Variants in SNED1 observed in about 807,000 individuals in gnomAD.
SNED1 encodes the protein sushi, nidogen and EGF-like domain-containing protein 1.
A neutral mutation model predicts 166.7 loss-of-function variants in SNED1; 81 were observed. The ratio of observed to expected loss-of-function variants is 0.49; its 90% CI spans 0.41 to 0.58. The LOEUF is 0.58. SNED1 is among the 20% of genes least tolerant of loss of function. SNED1 has a pLI of 0.00. For synonymous variants in SNED1, 762 were observed against 822.0 expected, an observed-to-expected ratio of 0.93 and a Z score of 1.25; for missense variants, 1,604 against 2,000.2, an observed-to-expected ratio of 0.80 and a Z score of 3.78.
chr2:241,037,249 A>G lies in SNED1; in HGVS notation c.941A>G (p.Glu314Gly). 1 of 1,609,750 alleles carries G rather than the reference A, an allele frequency of 6.2e-7. No homozygotes were observed. Among genetic ancestry groups the G allele is most frequent in the South Asian group, 1.1e-5 (1 of 90,052 alleles). Residue 314 changes from glutamate to glycine, a missense_variant, in exon 6 of 32, where the codon GAA becomes GGA. Glu to Gly is a moderately conservative substitution (Grantham distance 98, BLOSUM62 -2). Transcript: ENST00000310397. ...CTGCCCCATGTTTCAGACGTGAACG[A>G]ATGTGCCTCCCAGCCCTGTCAGAAT... is the stretch of plus-strand genomic sequence containing the variant. ...TGRRCHLDVN[E>G]CASQPCQNGG...
intron 22 of SNED1, 37 bp downstream of exon 22, chr2:241,067,984 A>C: frequency 1.6e-6 from 2 of 1,225,568 alleles, no homozygotes; most frequent in Non-Finnish European, 2.3e-6. Context: ...GCTGGGGTGA[A>C]GGCAGGGGTG....
chr2:241,072,938 C>T, intron 26 of SNED1: 1 of 379,380 alleles, frequency 2.6e-6, no homozygotes, highest in East Asian at 4.2e-5. Flanking sequence ...GAGAGGAATG[C>T]AGAATTTGAC....
At chr2:241,023,022 T>C (rs529527730) in intron 1 of SNED1, among the ~76,000 whole-genome samples, 7 of 152,274 alleles carry the variant, frequency 4.6e-5, no homozygotes, top group Non-Finnish European at 8.8e-5. Flanking sequence ...TCATTGATGA[T>C]TCACTTTATT....
intron 2 of SNED1, 121 bp from the exon 3 acceptor site, chr2:241,033,614 C>T: frequency 8.5e-7 from 1 of 1,171,918 alleles, no homozygotes; most frequent in East Asian, 2.8e-5. Context: ...CTGGAAGACA[C>T]AGACATTGAG....
rs578064103 is a variant in SNED1, at chr2:241,018,082, A to C, written c.214-12202A>C. On this transcript the variant is annotated intron_variant, in intron 1 of 31. Coordinates refer to ENST00000310397, the MANE Select transcript of SNED1 (RefSeq NM_001080437.3). The surrounding 1 kb of genome is among the most constrained non-coding windows in gnomAD (Gnocchi z 5.4). ...CGACTGGAGAGGCATTCCAAGGCTC[A>C]CTCCCTCCCAGGTAACACGCAACCC... Among the ~76,000 whole-genome samples, 1 of 152,102 alleles carries C rather than the reference A, an allele frequency of 6.6e-6. No individual in the cohort carries two copies. Among genetic ancestry groups the C allele is most frequent in the South Asian group, 2.1e-4 (1 of 4,810 alleles).
intron 3 of SNED1, among the ~76,000 whole-genome samples, chr2:241,034,343 C>T (rs1013585479): frequency 2.0e-5 from 3 of 152,192 alleles, no homozygotes; most frequent in Non-Finnish European, 4.4e-5. Flanking sequence ...TCATACTTGC[C>T]CCTGGCCCCA....
In SNED1 at chr2:241,034,737, G is replaced by A. The variant is rs2061291933; in HGVS notation, c.805+7G>A. 1 of 1,544,520 alleles carries A rather than the reference G, an allele frequency of 6.5e-7. No homozygotes were observed. Among genetic ancestry groups the A allele is most frequent in the Non-Finnish European group, 8.8e-7 (1 of 1,141,888 alleles). ...GGGGGCTGCGGCCATACAAGTAAGA[G>A]GACAGAGGAGCAGCTTGGGGTGGGA... On this transcript the variant is annotated splice_region_variant and intron_variant, in intron 4 of 31. Transcript: ENST00000310397.
At chr2:241,009,723 A>G (rs1433431450) in intron 1 of SNED1, among the ~76,000 whole-genome samples, 1 of 152,120 alleles carries the variant, frequency 6.6e-6, no homozygotes, top group African/African-American at 2.4e-5. Context: ...TCCTCCAGGA[A>G]GTCACCCTGG....
In SNED1 at chr2:240,999,567, C is replaced by G. The variant is rs1163694913; in HGVS notation, c.213+517C>G. On this transcript the variant is annotated intron_variant, in intron 1 of 31. Coordinates refer to ENST00000310397, the MANE Select transcript of SNED1 (RefSeq NM_001080437.3). This position sits in a 1 kb window ranked among gnomAD's most constrained non-coding sequence, Gnocchi z 5.8. ...CAGGCGCTCAGGGCAGGGCCTGCTT[C>G]TTCGCTGACCCTCCTAGGCGGGCTA... Among the ~76,000 whole-genome samples the G allele has an allele frequency of 6.6e-6, 1 of 152,212 alleles. No individual in the cohort carries two copies. The highest frequency in any genetic ancestry group is 1.5e-5 in the Non-Finnish European group (1 of 68,020).
At chr2:241,052,227 C>G (rs2061865376) in intron 14 of SNED1, 70 bp downstream of exon 14, 7 of 1,497,872 alleles carry the variant, frequency 4.7e-6, no homozygotes, top group Non-Finnish European at 6.5e-6. Flanking sequence ...AAAACAGGCC[C>G]ATGGGCAGGG....
intron 6 of SNED1, 107 bp from the exon 7 acceptor site, chr2:241,039,968 A>G (rs2061478515): frequency 6.7e-6 from 6 of 891,736 alleles, no homozygotes; most frequent in African/African-American, 1.7e-5. Flanking sequence ...CCCCCCTGCA[A>G]TGTAAGCCAG....
In SNED1 at chr2:240,999,739, G is replaced by A. The variant is rs1435310258; in HGVS notation, c.213+689G>A. 6.6e-6 allele frequency among the ~76,000 whole-genome samples: 1 copy of A among 152,174 alleles called. No homozygotes were observed. Among genetic ancestry groups the A allele is most frequent in the African/African-American group, 2.4e-5 (1 of 41,440 alleles). On this transcript the variant is annotated intron_variant, in intron 1 of 31. Transcript: ENST00000310397. This position sits in a 1 kb window ranked among gnomAD's most constrained non-coding sequence, Gnocchi z 5.8. ...TCAGCTCAGCTGAAGGAACAGGCCC[G>A]AGTGCCGGTTCTGTCTCCATGGCTC... is the stretch of plus-strand genomic sequence containing the variant.
intron 1 of SNED1, among the ~76,000 whole-genome samples, chr2:241,003,889 A>C (rs936958292): frequency 6.6e-6 from 1 of 152,262 alleles, no homozygotes; most frequent in East Asian, 1.9e-4. Flanking sequence ...GTGACCAAAA[A>C]AATGTTGGTT....
intron 31 of SNED1, chr2:241,089,107 G>A (rs1359123240): frequency 5.8e-6 from 3 of 515,670 alleles, no homozygotes; most frequent in South Asian, 3.3e-5. Flanking sequence ...AAACAACACT[G>A]GCATTCTTCA....
intron 1 of SNED1, among the ~76,000 whole-genome samples, chr2:241,008,735 G>A (rs995885243): frequency 3.3e-5 from 5 of 152,206 alleles, no homozygotes; most frequent in South Asian, 4.1e-4. Context: ...CCCTGCTCCC[G>A]TGGTGCCCGG....
chr2:241,070,753 C>T (rs1297189927), intron 24 of SNED1, among the ~76,000 whole-genome samples: 1 of 152,222 alleles, frequency 6.6e-6, no homozygotes, highest in Non-Finnish European at 1.5e-5. Flanking sequence ...GGGTCCCGAA[C>T]GCCCCACTTA....
intron 3 of SNED1, 51 bp from the exon 4 acceptor site, chr2:241,034,517 T>C: frequency 6.6e-7 from 1 of 1,525,604 alleles, no homozygotes; most frequent in Non-Finnish European, 8.9e-7. Flanking sequence ...CCCCCACCTC[T>C]GTAGACCTGG....
At position 240,999,123 on chromosome 2, in the gene SNED1, C is replaced by G. The variant is rs1229762380; in HGVS notation, c.213+73C>G. On this transcript the variant is annotated intron_variant, in intron 1 of 31. Transcript: ENST00000310397. This position sits in a 1 kb window ranked among gnomAD's most constrained non-coding sequence, Gnocchi z 5.8. ...CGCCCCGGCCGCTGCCCGCCGGGCCCGGACTCCCGCCGCCGCCGCCAGCCA... is the reference window on the plus strand; with the variant it reads ...CGCCCCGGCCGCTGCCCGCCGGGCCGGGACTCCCGCCGCCGCCGCCAGCCA... The G allele has an allele frequency of 3.1e-6, 3 of 955,478 alleles. No homozygotes were observed. The East Asian group carries it at 1.1e-4, about 36-fold the overall frequency. The allele number at this position is 955,478 out of a possible 1,614,324, so 59.2% of individuals were successfully genotyped here. A position where few individuals can be genotyped will look rare whatever the true frequency, so the allele number is the denominator to read the frequency against.
intron 30 of SNED1, chr2:241,087,717 T>G: frequency 7.4e-7 from 1 of 1,356,670 alleles, no homozygotes; most frequent in Non-Finnish European, 9.5e-7. Flanking sequence ...TCACTCTGGT[T>G]ATGCATATTC....
Sources: allele counts gnomAD v4.1 joint callset (sites outside exome capture counted in the v4.1 genomes callset), GRCh38; gene constraint gnomAD v4.1.1; non-coding constraint Gnocchi (gnomAD v3.1); transcripts MANE v1.5; gene names NCBI Gene and HGNC (gene_info 2026-07-23, HGNC 2026-07-21).